ULK4: variants seen among roughly 807,000 people sequenced by gnomAD.
ULK4 encodes the protein inactive serine/threonine-protein kinase ULK4.
In ULK4, 133 loss-of-function variants were observed where a neutral mutation model predicts 160.6. That is an observed-to-expected ratio of 0.83 (90% CI 0.72 to 0.96). The LOEUF (loss-of-function observed/expected upper bound fraction) is 0.96. ULK4 is among the 40% of genes least tolerant of loss of function. ULK4 has a pLI of 0.00. For synonymous variants in ULK4, 534 were observed against 539.8 expected, an observed-to-expected ratio of 0.99 and a Z score of 0.15; for missense variants, 1,580 against 1,499.5, an observed-to-expected ratio of 1.05 and a Z score of -0.89.
At chr3:41,743,826 C>T (rs949266172) in intron 22 of ULK4, among the ~76,000 whole-genome samples, 19 of 151,686 alleles carry the variant, frequency 1.3e-4, no homozygotes, top group African/African-American at 2.7e-4. Context: ...CAACCATGCA[C>T]GGCTAATCTT....
chr3:41,755,996 G>A (rs1464740068), intron 21 of ULK4, among the ~76,000 whole-genome samples: 2 of 152,178 alleles, frequency 1.3e-5, no homozygotes, highest in African/African-American at 2.4e-5. Flanking sequence ...AAGTGAAAGA[G>A]ATAAAGACAG....
intron 32 of ULK4, among the ~76,000 whole-genome samples, chr3:41,512,516 T>C (rs1207377525): frequency 1.3e-5 from 2 of 152,144 alleles, no homozygotes; most frequent in Non-Finnish European, 2.9e-5. Flanking sequence ...CTCAACCCTT[T>C]TTACAATAGC....
intron 35 of ULK4, among the ~76,000 whole-genome samples, chr3:41,271,647 G>GTGGAT (rs2079139857): frequency 6.6e-6 from 1 of 152,044 alleles, no homozygotes; most frequent in Non-Finnish European, 1.5e-5. Flanking sequence ...ACCTGCCTCG[G>GTGGAT]CCTCCCAAAG....
At chr3:41,295,025 C>T (rs754400751) in intron 35 of ULK4, among the ~76,000 whole-genome samples, 5 of 152,116 alleles carry the variant, frequency 3.3e-5, no homozygotes, top group Non-Finnish European at 4.4e-5. Context: ...GTTGGAGGAC[C>T]GACACTTTCT....
At chr3:41,650,450 G>A (rs1157941056) in intron 30 of ULK4, among the ~76,000 whole-genome samples, 2 of 152,196 alleles carry the variant, frequency 1.3e-5, no homozygotes, top group African/African-American at 4.8e-5. Context: ...CCAAGCTTCT[G>A]GATGCTACCA....
At chr3:41,819,587 C>A in intron 18 of ULK4, 81 bp from the exon 19 acceptor site, 1 of 1,204,992 alleles carries the variant, frequency 8.3e-7, no homozygotes, top group Non-Finnish European at 1.2e-6. Flanking sequence ...TGGCACAGCT[C>A]CAAGTATACA....
intron 18 of ULK4, among the ~76,000 whole-genome samples, chr3:41,825,736 C>G (rs1312401337): frequency 1.3e-5 from 2 of 152,174 alleles, no homozygotes; most frequent in Admixed American, 1.3e-4. Context: ...AAACACTCTG[C>G]AGGATATTAT....
intron 31 of ULK4, among the ~76,000 whole-genome samples, chr3:41,604,907 C>A (rs989321492): frequency 6.6e-6 from 1 of 152,074 alleles, no homozygotes; most frequent in African/African-American, 2.4e-5. Context: ...CCAACATGTA[C>A]TTCACCCTGT....
At chr3:41,843,038 T>C (rs1047341996) in intron 17 of ULK4, among the ~76,000 whole-genome samples, 10 of 152,014 alleles carry the variant, frequency 6.6e-5, no homozygotes, top group African/African-American at 2.4e-4. Flanking sequence ...TCAAAATGGA[T>C]CACAGACTTA....
chr3:41,666,802 G>C (rs567600152), intron 29 of ULK4, among the ~76,000 whole-genome samples: 1 of 152,102 alleles, frequency 6.6e-6, no homozygotes, highest in Non-Finnish European at 1.5e-5. Context: ...AATAGGGCTA[G>C]AAAATATATC....
chr3:41,606,186 GA>G (rs1170139600), intron 31 of ULK4, among the ~76,000 whole-genome samples: 1 of 151,694 alleles, frequency 6.6e-6, no homozygotes, highest in African/African-American at 2.4e-5. Context: ...ACATTAAAAG[GA>G]AAAGTCAGAA....
intron 34 of ULK4, among the ~76,000 whole-genome samples, chr3:41,414,055 T>G (rs2082472262): frequency 6.6e-6 from 1 of 152,022 alleles, no homozygotes; most frequent in Non-Finnish European, 1.5e-5. Flanking sequence ...AAATACAAAA[T>G]TAGCCAGGCA....
intron 12 of ULK4, 98 bp from the exon 13 acceptor site, chr3:41,900,927 T>C (rs1284624112): frequency 9.4e-6 from 7 of 747,128 alleles, no homozygotes; most frequent in South Asian, 1.8e-5. Context: ...CACTGTAAAA[T>C]ATCACCTATA....
At chr3:41,458,194 A>G (rs1316397555) in intron 33 of ULK4, among the ~76,000 whole-genome samples, 5 of 152,148 alleles carry the variant, frequency 3.3e-5, no homozygotes, top group Admixed American at 6.5e-5. Context: ...TTCAAAGAAG[A>G]ACTTTAGGTA....
chr3:41,904,429 C>CA (rs1222445316), intron 12 of ULK4, among the ~76,000 whole-genome samples: 1 of 149,906 alleles, frequency 6.7e-6, no homozygotes, highest in Non-Finnish European at 1.5e-5. Flanking sequence ...GGCTCTGTCT[C>CA]AAAAATAAAT....
chr3:41,345,488 G>A (rs1186511681), intron 35 of ULK4, among the ~76,000 whole-genome samples: 1 of 152,186 alleles, frequency 6.6e-6, no homozygotes, highest in Non-Finnish European at 1.5e-5. Flanking sequence ...CATGGATGGA[G>A]TTGCAAGCCA....
At chr3:41,528,778 T>C (rs139688581) in intron 32 of ULK4, among the ~76,000 whole-genome samples, 29 of 152,344 alleles carry the variant, frequency 1.9e-4, no homozygotes, top group Admixed American at 3.9e-4. Context: ...ATTTTCCAGT[T>C]ACCCAGTTTT....
At chr3:41,746,961 C>A (rs993876914) in intron 22 of ULK4, among the ~76,000 whole-genome samples, 1 of 151,856 alleles carries the variant, frequency 6.6e-6, no homozygotes. Context: ...AAAACCAAAA[C>A]CAAAAGAAAA....
intron 32 of ULK4, among the ~76,000 whole-genome samples, chr3:41,487,174 AT>A (rs869106622): frequency 3.5e-5 from 3 of 85,752 alleles, no homozygotes; most frequent in Non-Finnish European, 7.9e-5. Context: ...ACCTATGCAA[AT>A]AATAATATAA....
Sources: gnomAD v4.1 joint callset for allele counts (sites outside exome capture counted in the v4.1 genomes callset) on GRCh38, gnomAD v4.1.1 for gene constraint, MANE v1.5 for transcripts, NCBI Gene and HGNC (gene_info 2026-07-23, HGNC 2026-07-21) for gene names.